NBEA: variants seen among roughly 807,000 people sequenced by gnomAD.
The protein encoded by NBEA is neurobeachin, also known as lysosomal-trafficking regulator 2.
NBEA carries 44 observed loss-of-function variants against 343.4 expected under a neutral mutation model. That is an observed-to-expected ratio of 0.13 (90% CI 0.10 to 0.16). The LOEUF (loss-of-function observed/expected upper bound fraction) is 0.16, where lower values mean the gene tolerates loss of function less well. NBEA is among the 10% of genes least tolerant of loss of function. The pLI is 1.00. For synonymous variants in NBEA, 1,175 were observed against 1,238.7 expected, an observed-to-expected ratio of 0.95 and a Z score of 1.08; for missense variants, 2,555 against 3,631.3, an observed-to-expected ratio of 0.70 and a Z score of 7.62.
rs117965945 is a variant in NBEA, at chr13:35,608,889, A to G, written c.7449+2311A>G. ...GCCAGACATGTTTCATAATTTATCC[A>G]TGGCAGAGCCCAGATTCAAGTACAG... is the stretch of plus-strand genomic sequence containing the variant. On this transcript the variant is annotated intron_variant, in intron 48 of 58. Coordinates refer to ENST00000379939, the MANE Select transcript of NBEA (RefSeq NM_001385012.1). Among the ~76,000 whole-genome samples the G allele has an allele frequency of 1.5e-4, 23 of 152,358 alleles. No homozygotes were observed. In the East Asian group the frequency reaches 4.2e-3, roughly 28 times the overall value.
chr13:35,043,372 T>C (rs1366603032), intron 2 of NBEA, among the ~76,000 whole-genome samples: 2 of 151,914 alleles, frequency 1.3e-5, no homozygotes, highest in Non-Finnish European at 2.9e-5. Context: ...GCAAATATTT[T>C]TTAAAGTTTT....
chr13:35,359,325 T>C (rs1027411107), intron 38 of NBEA, among the ~76,000 whole-genome samples: 8 of 152,172 alleles, frequency 5.3e-5, no homozygotes, highest in African/African-American at 1.9e-4. Flanking sequence ...GTTATCTGTA[T>C]TGAAATTAAC....
intron 48 of NBEA, among the ~76,000 whole-genome samples, chr13:35,622,256 C>T (rs976754745): frequency 2.0e-5 from 3 of 152,112 alleles, no homozygotes; most frequent in Non-Finnish European, 4.4e-5. Flanking sequence ...GGATTTATAT[C>T]AGGAAGTCCT....
At chr13:35,151,954 T>C (rs1383569254) in intron 18 of NBEA, among the ~76,000 whole-genome samples, 1 of 152,158 alleles carries the variant, frequency 6.6e-6, no homozygotes, top group Non-Finnish European at 1.5e-5. Context: ...GTAGAATATG[T>C]TTTCTGCAGG....
intron 31 of NBEA, among the ~76,000 whole-genome samples, chr13:35,203,866 G>T (rs1334708237): frequency 2.0e-5 from 3 of 152,144 alleles, no homozygotes; most frequent in African/African-American, 7.2e-5. Flanking sequence ...TAGTATAAAA[G>T]AATTATCCAC....
At chr13:35,111,920 T>G (rs890479460) in intron 13 of NBEA, among the ~76,000 whole-genome samples, 2 of 144,776 alleles carry the variant, frequency 1.4e-5, no homozygotes, top group South Asian at 2.2e-4. Flanking sequence ...TTCCTTTTTT[T>G]TTTTTTTTTT....
At chr13:35,096,315 T>G (rs1449655370) in intron 10 of NBEA, among the ~76,000 whole-genome samples, 1 of 151,714 alleles carries the variant, frequency 6.6e-6, no homozygotes, top group Non-Finnish European at 1.5e-5. Flanking sequence ...CTGGTTAATA[T>G]TGAAGTGAAA....
intron 51 of NBEA, among the ~76,000 whole-genome samples, chr13:35,646,959 T>C (rs2084267992): frequency 6.6e-6 from 1 of 152,198 alleles, no homozygotes; most frequent in South Asian, 2.1e-4. Context: ...CTACTGAGAA[T>C]TGAATGATTC....
rs1324080920 is a variant in NBEA, at chr13:35,291,089, T to C, written c.5838+639T>C. Among the ~76,000 whole-genome samples, 3 of 152,008 alleles carry C rather than the reference T, an allele frequency of 2.0e-5. No individual in the cohort carries two copies. The East Asian group carries it at 5.8e-4, about 29-fold the overall frequency. On this transcript the variant is annotated intron_variant, in intron 35 of 58. Coordinates refer to ENST00000379939, the MANE Select transcript of NBEA (RefSeq NM_001385012.1). ...TTCTGATTACTTAAATAGGAACCTA[T>C]TGGTTTTTCTTCTCACCAGCTCTGT...
intron 36 of NBEA, among the ~76,000 whole-genome samples, chr13:35,335,268 G>A (rs1370131165): frequency 2.0e-5 from 3 of 152,156 alleles, no homozygotes; most frequent in Non-Finnish European, 4.4e-5. Flanking sequence ...TTGAAGTCAA[G>A]TAATGAGATT....
At chr13:35,424,128 C>T (rs986747565) in intron 38 of NBEA, among the ~76,000 whole-genome samples, 12 of 151,856 alleles carry the variant, frequency 7.9e-5, no homozygotes, top group Non-Finnish European at 1.6e-4. Context: ...TTTTCCTAAT[C>T]GGATACCTTT....
chr13:35,087,885 G>A (rs75754216), intron 10 of NBEA, among the ~76,000 whole-genome samples: 2,391 of 151,996 alleles, frequency 0.016, 62 homozygotes, highest in African/African-American at 0.049. Flanking sequence ...AGATTTTGAA[G>A]TAGGAGGTTT....
intron 1 of NBEA, among the ~76,000 whole-genome samples, chr13:34,964,240 C>T (rs796141375): frequency 1.2e-4 from 19 of 152,078 alleles, no homozygotes; most frequent in African/African-American, 4.1e-4. Context: ...AAGCATTCAG[C>T]ACACTGAGCT....
chr13:35,102,910 T>G (rs2065719891), intron 11 of NBEA, among the ~76,000 whole-genome samples: 1 of 151,782 alleles, frequency 6.6e-6, no homozygotes, highest in Non-Finnish European at 1.5e-5. Flanking sequence ...AGTACAGTGT[T>G]GGGATAAAAG....
At chr13:35,342,596 A>G (rs907972076) in intron 36 of NBEA, among the ~76,000 whole-genome samples, 3 of 151,994 alleles carry the variant, frequency 2.0e-5, no homozygotes, top group Admixed American at 1.3e-4. Flanking sequence ...AGGGCTAATG[A>G]TATGTAATAT....
Position 35,177,004 on chromosome 13 carries a change from G to A in NBEA, c.4563G>A (p.Leu1521=). 1 of 1,584,192 alleles carries A rather than the reference G, an allele frequency of 6.3e-7. No individual in the cohort carries two copies. The highest frequency in any genetic ancestry group is 1.3e-5 in the African/African-American group (1 of 74,326). ...VTATAASKTP[L]ENVPGNLSPI... ...TCTTTTTATTTTCAAAGACTCCATTGGAAAATGTTCCAGGTAACCTTTCTC... is the reference window on the plus strand; with the variant it reads ...TCTTTTTATTTTCAAAGACTCCATTAGAAAATGTTCCAGGTAACCTTTCTC... Residue 1521 remains leucine, a synonymous_variant, in exon 28 of 59, where the codon TTG becomes TTA. Coordinates refer to ENST00000379939, the MANE Select transcript of NBEA (RefSeq NM_001385012.1).
intron 1 of NBEA, among the ~76,000 whole-genome samples, chr13:35,031,647 A>G (rs911290703): frequency 6.6e-6 from 1 of 151,438 alleles, no homozygotes; most frequent in Non-Finnish European, 1.5e-5. Flanking sequence ...ATTAGACAGG[A>G]ACTTTTTTTT....
intron 41 of NBEA, among the ~76,000 whole-genome samples, chr13:35,491,364 C>T (rs2076493162): frequency 6.6e-6 from 1 of 151,890 alleles, no homozygotes. Context: ...CAAGACCTCT[C>T]CCCTTAATTT....
Position 35,069,909 on chromosome 13 carries a change from G to A in NBEA, c.1241G>A (p.Ser414Asn), listed in dbSNP as rs752387880. Residue 414 changes from serine (S) to asparagine (N), a missense_variant and splice_region_variant, in exon 9 of 59, where the codon AGT (serine) becomes AAT (asparagine). This residue lies in a region of NBEA where 75 missense variants were observed against 237.4 expected (regional missense o/e 0.32). Coordinates refer to ENST00000379939, the MANE Select transcript of NBEA (RefSeq NM_001385012.1). ...TTTACCTTAGTTTTATTTTTTCAGA[G>A]TACCTTCAAGTTTAAATCTGAGAGT... Reference protein sequence around the residue: ...AIHQLGPGYKSTFKFKSESDI... With the variant: ...AIHQLGPGYKNTFKFKSESDI... 5.1e-6 allele frequency: 8 copies of A among 1,557,696 alleles called. No individual in the cohort carries two copies. In the East Asian group the frequency reaches 1.1e-4, roughly 22 times the overall value.
Sources: gnomAD v4.1 joint callset for allele counts (sites outside exome capture counted in the v4.1 genomes callset) on GRCh38, gnomAD v4.1.1 for gene constraint, gnomAD v4.1.1 regional missense constraint, MANE v1.5 for transcripts, NCBI Gene and HGNC (gene_info 2026-07-23, HGNC 2026-07-21) for gene names.